Variants in TGFB2 observed in about 807,000 individuals in gnomAD.
TGFB2 encodes transforming growth factor beta 2, also known as transforming growth factor beta-2 proprotein.
A neutral mutation model predicts 42.7 loss-of-function variants in TGFB2; 13 were observed. That is an observed-to-expected ratio of 0.30 (90% CI 0.20 to 0.48). TGFB2 has a LOEUF of 0.48. Among genes scored for constraint, TGFB2 ranks in the 20% least tolerant of loss-of-function variants. The probability of loss-of-function intolerance (pLI) is 0.99; values close to 1 mark genes in which losing one functional copy is unlikely to be tolerated. For missense variants in TGFB2, 390 were observed against 517.5 expected, an observed-to-expected ratio of 0.75 and a Z score of 2.39; for synonymous variants, 193 against 193.6, an observed-to-expected ratio of 1.00 and a Z score of 0.03.
At chr1:218,429,920 A>G (rs1028544732) in intron 2 of TGFB2, among the ~76,000 whole-genome samples, 8 of 152,178 alleles carry the variant, frequency 5.3e-5, no homozygotes, top group Non-Finnish European at 1.0e-4. Context: ...ATATTTGTTA[A>G]GCATACAACT....
intron 5 of TGFB2, 113 bp from the exon 6 acceptor site, chr1:218,437,230 T>G: frequency 1.9e-6 from 2 of 1,076,240 alleles, no homozygotes; most frequent in Non-Finnish European, 2.7e-6. Flanking sequence ...TCATTAGATG[T>G]TTGTTGAATA....
chr1:218,360,976 T>G (rs1657189894), intron 1 of TGFB2, among the ~76,000 whole-genome samples: 1 of 152,192 alleles, frequency 6.6e-6, no homozygotes, highest in Non-Finnish European at 1.5e-5. Context: ...TACCTTAGTC[T>G]CCTGAGTAAC....
chr1:218,347,275 C>T, intron 1 of TGFB2, among the ~76,000 whole-genome samples: 1 of 152,282 alleles, frequency 6.6e-6, no homozygotes, highest in South Asian at 2.1e-4. Context: ...TTCCCCCTAA[C>T]AATTCGGTGC....
intron 1 of TGFB2, among the ~76,000 whole-genome samples, chr1:218,403,601 T>C (rs552599541): frequency 1.8e-4 from 28 of 152,360 alleles, no homozygotes; most frequent in African/African-American, 6.5e-4. Context: ...AAGAGACTCC[T>C]GTTGATGACC....
In TGFB2 at chr1:218,346,587, AAAC is replaced by A. The variant is rs1553292025; in HGVS notation, c.-103_-101del. On this transcript the variant is annotated 5_prime_UTR_variant, in exon 1 of 7. Transcript: ENST00000366930. This position sits in a 1 kb window ranked among gnomAD's most constrained non-coding sequence, Gnocchi z 4.9. Reference sequence around the variant, plus strand: ...ATTGTTTGCAAAAGTTTCGCATCAAAAACAACAACAACAAAAAACCAAACAACT... The same window carrying A: ...ATTGTTTGCAAAAGTTTCGCATCAAAAACAACAACAAAAAACCAAACAACT... 1.3e-4 allele frequency: 117 copies of A among 875,174 alleles called. No individual in the cohort carries two copies. Among genetic ancestry groups the A allele is most frequent in the Admixed American group, 3.6e-4 (9 of 25,022 alleles). The allele number at this position is 875,174 out of a possible 1,614,324, so 54.2% of individuals were successfully genotyped here.
At chr1:218,417,531 G>T (rs183275184) in intron 2 of TGFB2, among the ~76,000 whole-genome samples, 3 of 152,328 alleles carry the variant, frequency 2.0e-5, no homozygotes, top group East Asian at 1.9e-4. Context: ...TAATAGAAAA[G>T]AAAATCTCAT....
chr1:218,423,732 G>A (rs1659530100), intron 2 of TGFB2, among the ~76,000 whole-genome samples: 2 of 152,238 alleles, frequency 1.3e-5, no homozygotes, highest in Middle Eastern at 3.4e-3. Flanking sequence ...TATTCACTAG[G>A]CATTAGAAGC....
At chr1:218,356,947 G>A (rs1418996941) in intron 1 of TGFB2, among the ~76,000 whole-genome samples, 1 of 152,142 alleles carries the variant, frequency 6.6e-6, no homozygotes, top group African/African-American at 2.4e-5. Flanking sequence ...TGCAGTGGCT[G>A]GCGCCTGTAA....
chr1:218,430,963 T>G (rs1204707318), intron 2 of TGFB2, among the ~76,000 whole-genome samples: 2 of 152,310 alleles, frequency 1.3e-5, no homozygotes, highest in African/African-American at 4.8e-5. Context: ...AGGGATATTC[T>G]CTGAGTGATG....
chr1:218,381,879 G>T (rs1657975099), intron 1 of TGFB2, among the ~76,000 whole-genome samples: 1 of 152,220 alleles, frequency 6.6e-6, no homozygotes, highest in African/African-American at 2.4e-5. Flanking sequence ...ACACAATGGG[G>T]CAGTTGTAGG....
chr1:218,430,104 T>C (rs1244157698), intron 2 of TGFB2, among the ~76,000 whole-genome samples: 1 of 152,056 alleles, frequency 6.6e-6, no homozygotes, highest in East Asian at 1.9e-4. Context: ...CTAAATTATC[T>C]TTGTCATGAT....
chr1:218,348,223 C>G (rs1272591757), intron 1 of TGFB2, among the ~76,000 whole-genome samples: 1 of 152,140 alleles, frequency 6.6e-6, no homozygotes, highest in East Asian at 1.9e-4. Context: ...AAGTCATAAA[C>G]TTTTCATTGG....
intron 1 of TGFB2, among the ~76,000 whole-genome samples, chr1:218,359,442 A>G (rs1657141439): frequency 1.3e-5 from 2 of 152,194 alleles, no homozygotes; most frequent in African/African-American, 2.4e-5. Context: ...CTTTTCTTCT[A>G]CGTAGAATGA....
chr1:218,350,334 G>A lies in TGFB2; in HGVS notation c.346+3287G>A, dbSNP rs553749984. Among the ~76,000 whole-genome samples, 6 of 152,256 alleles carry A rather than the reference G, an allele frequency of 3.9e-5. No homozygotes were observed. The South Asian group carries it at 1.2e-3, about 32-fold the overall frequency. On this transcript the variant is annotated intron_variant, in intron 1 of 6. Transcript: ENST00000366930. ...CACCCCTACTCCCACTGGAACGTTT[G>A]GCAATGTCCAGAGACACTTTGGGTT...
intron 2 of TGFB2, among the ~76,000 whole-genome samples, chr1:218,425,190 T>TTTTGTTTG (rs376036968): frequency 6.6e-6 from 1 of 152,188 alleles, no homozygotes; most frequent in African/African-American, 2.4e-5. Flanking sequence ...GGCTTCCGTT[T>TTTTGTTTG]TTTGTTTGTT....
At chr1:218,350,206 C>A (rs6604605) in intron 1 of TGFB2, among the ~76,000 whole-genome samples, 30 of 152,202 alleles carry the variant, frequency 2.0e-4, no homozygotes, top group Admixed American at 2.0e-3. Context: ...GAGGAAGAGA[C>A]ACAACGTTTC....
At chr1:218,437,049 T>C in intron 5 of TGFB2, among the ~76,000 whole-genome samples, 1 of 152,214 alleles carries the variant, frequency 6.6e-6, no homozygotes, top group East Asian at 1.9e-4. Context: ...TCTGCTTATA[T>C]CTGGTCATCT....
chr1:218,406,397 C>T (rs1197738832), intron 2 of TGFB2, among the ~76,000 whole-genome samples: 1 of 152,126 alleles, frequency 6.6e-6, no homozygotes, highest in African/African-American at 2.4e-5. Context: ...GCATTTGCAT[C>T]GGCATCACCT....
chr1:218,345,577 T>G lies in TGFB2; in HGVS notation c.-1125T>G, dbSNP rs11466364. On this transcript the variant is annotated 5_prime_UTR_variant, in exon 1 of 7. Coordinates refer to ENST00000366930, the MANE Select transcript of TGFB2 (RefSeq NM_003238.6). Reference sequence around the variant, plus strand: ...GACAGGAGGAGACAGAGAGGATCTATTTTAGGGTGGCAAGTGCCTACCTAC... The same window carrying G: ...GACAGGAGGAGACAGAGAGGATCTAGTTTAGGGTGGCAAGTGCCTACCTAC... 2.6e-5 allele frequency: 4 copies of G among 152,848 alleles called. No homozygotes were observed. The East Asian group carries it at 7.8e-4, about 30-fold the overall frequency. The allele number at this position is 152,848 out of a possible 1,614,324, so 9.5% of individuals were successfully genotyped here.
Sources: gnomAD v4.1 joint callset for allele counts (sites outside exome capture counted in the v4.1 genomes callset) on GRCh38, gnomAD v4.1.1 for gene constraint, Gnocchi (gnomAD v3.1) non-coding constraint, MANE v1.5 for transcripts, NCBI Gene and HGNC (gene_info 2026-07-23, HGNC 2026-07-21) for gene names.